ASXL1: variants seen among roughly 807,000 people sequenced by gnomAD.
ASXL1 encodes ASXL transcriptional regulator 1.
Under a neutral mutation model 89.1 loss-of-function variants are expected in ASXL1, and 65 were observed. The observed-to-expected ratio is 0.73, with a 90% CI of 0.60 to 0.90. ASXL1 has a LOEUF of 0.90. Among genes scored for constraint, ASXL1 ranks in the 40% least tolerant of loss-of-function variants. ASXL1 has a pLI of 0.00. For missense variants in ASXL1, 1,786 were observed against 1,942.9 expected (o/e 0.92, Z 1.52); for synonymous variants, 739 against 746.9 (o/e 0.99, Z 0.17).
At position 32,431,301 on chromosome 20, in the gene ASXL1, C is replaced by T. The variant is rs2011505325; in HGVS notation, c.719-20C>T. The T allele has an allele frequency of 3.7e-6, 6 of 1,614,126 alleles. No homozygotes were observed. The highest frequency in any genetic ancestry group is 1.3e-5 in the African/African-American group (1 of 75,018). On this transcript the variant is annotated intron_variant, in intron 8 of 12. Transcript: ENST00000375687. ...TTCTTTTAAAAAGCTGAAATCTATA[C>T]CTTGCTTCAAAAATCATAGGTCAAA...
chr20:32,372,178 A>T, intron 4 of ASXL1: 1 of 1,348,276 alleles, frequency 7.4e-7, no homozygotes, highest in Non-Finnish European at 9.8e-7. Flanking sequence ...GAGCCACTGC[A>T]CCAGGCCCCT....
chr20:32,435,327 G>T lies in ASXL1; in HGVS notation c.2615G>T (p.Cys872Phe), dbSNP rs1569332530. 2 of 1,614,162 alleles carry T rather than the reference G, an allele frequency of 1.2e-6. No homozygotes were observed. Among genetic ancestry groups the T allele is most frequent in the East Asian group, 2.2e-5 (1 of 44,886 alleles). ...GACGAATTAGGGCTTGGTGGCTCATGCCCTCCTATGAGGGAAAGTGATACT... is the reference window on the plus strand; with the variant it reads ...GACGAATTAGGGCTTGGTGGCTCATTCCCTCCTATGAGGGAAAGTGATACT... ...FDDELGLGGS[C>F]PPMRESDTRQ... The change falls in exon 13 of 13, where the codon TGC (cysteine) becomes TTC (phenylalanine). Residue 872 changes from cysteine to phenylalanine, a missense_variant. Physicochemically the swap from Cys to Phe is radical, Grantham distance 205. Coordinates refer to ENST00000375687, the MANE Select transcript of ASXL1 (RefSeq NM_015338.6).
chr20:32,380,127 C>T (rs2048461746), intron 4 of ASXL1, among the ~76,000 whole-genome samples: 2 of 151,314 alleles, frequency 1.3e-5, no homozygotes, highest in South Asian at 2.1e-4. Flanking sequence ...ACTAAAAATA[C>T]AAAAATTAGC....
At chr20:32,396,955 C>T (rs901137427) in intron 4 of ASXL1, among the ~76,000 whole-genome samples, 1 of 149,148 alleles carries the variant, frequency 6.7e-6, no homozygotes, top group African/African-American at 2.5e-5. Flanking sequence ...ACATAAAATA[C>T]ACTAATGATA....
chr20:32,423,529 A>G (rs546977067), intron 4 of ASXL1, among the ~76,000 whole-genome samples: 19 of 151,474 alleles, frequency 1.3e-4, no homozygotes, highest in African/African-American at 4.4e-4. Context: ...GTGGGCCACA[A>G]TACCCAGCAT....
intron 4 of ASXL1, among the ~76,000 whole-genome samples, chr20:32,424,253 G>A (rs6087901): frequency 6.6e-6 from 1 of 152,170 alleles, no homozygotes; most frequent in Non-Finnish European, 1.5e-5. Flanking sequence ...CTACCACCTA[G>A]GCTAGGTACG....
At chr20:32,427,803 A>AC (rs1024683180) in intron 4 of ASXL1, 3 of 375,954 alleles carry the variant, frequency 8.0e-6, no homozygotes, top group Admixed American at 3.7e-5. Context: ...AGTTTAATTG[A>AC]CCCCCCTACT....
At chr20:32,420,945 C>T (rs896243851) in intron 4 of ASXL1, among the ~76,000 whole-genome samples, 4 of 152,024 alleles carry the variant, frequency 2.6e-5, no homozygotes, top group Non-Finnish European at 5.9e-5. Flanking sequence ...TGGAAACCAT[C>T]ATCCTCAGCA....
At chr20:32,426,619 G>A (rs187937928) in intron 4 of ASXL1, among the ~76,000 whole-genome samples, 23 of 139,880 alleles carry the variant, frequency 1.6e-4, no homozygotes, top group African/African-American at 6.0e-4. Flanking sequence ...GAGTGCAGTG[G>A]CGTAATCTCA....
In ASXL1 at chr20:32,436,752, G is replaced by T; in HGVS notation, c.4040G>T (p.Gly1347Val). The change falls in exon 13 of 13, where the codon GGT (glycine) becomes GTT (valine). Residue 1347 changes from glycine to valine, a missense_variant. This residue lies in a region of ASXL1 where 1,418 missense variants were observed against 1,427.8 expected (regional missense o/e 0.99). Transcript: ENST00000375687. ...GGACCAAGCACAAACTCCATGTCTG[G>T]TGGGGTACAGACTCCAAGGGAAGAC... ...KLGPSTNSMS[G>V]GVQTPREDWA... is the part of the protein sequence containing the mutation. 2 of 1,614,136 alleles carry T rather than the reference G, an allele frequency of 1.2e-6. No homozygotes were observed. The highest frequency in any genetic ancestry group is 1.7e-6 in the Non-Finnish European group (2 of 1,180,036).
chr20:32,423,367 T>G (rs2011189682), intron 4 of ASXL1, among the ~76,000 whole-genome samples: 2 of 150,802 alleles, frequency 1.3e-5, no homozygotes, highest in Middle Eastern at 3.5e-3. Context: ...GTAGCTGGGA[T>G]TACAGGTGTG....
intron 1 of ASXL1, among the ~76,000 whole-genome samples, chr20:32,362,079 G>GA (rs371733846): frequency 2.0e-5 from 3 of 151,940 alleles, no homozygotes; most frequent in Non-Finnish European, 2.9e-5. Flanking sequence ...CAAAACAAAA[G>GA]AAAAAACCAG....
At chr20:32,387,099 A>G (rs2048592693) in intron 4 of ASXL1, among the ~76,000 whole-genome samples, 1 of 152,020 alleles carries the variant, frequency 6.6e-6, no homozygotes, top group Non-Finnish European at 1.5e-5. Flanking sequence ...CAGGAGTTCA[A>G]AACCAGCCTG....
At chr20:32,393,664 G>A (rs892488767) in intron 4 of ASXL1, among the ~76,000 whole-genome samples, 11 of 151,886 alleles carry the variant, frequency 7.2e-5, no homozygotes, top group African/African-American at 2.7e-4. Context: ...TAGAGATGGG[G>A]TTTCACCATA....
chr20:32,380,288 A>G (rs1409916411), intron 4 of ASXL1, among the ~76,000 whole-genome samples: 2 of 152,160 alleles, frequency 1.3e-5, no homozygotes, highest in Non-Finnish European at 2.9e-5. Context: ...CCCTCCCATA[A>G]AAAAAAGAAA....
At chr20:32,394,146 G>A (rs1271906106) in intron 4 of ASXL1, among the ~76,000 whole-genome samples, 1 of 152,044 alleles carries the variant, frequency 6.6e-6, no homozygotes, top group African/African-American at 2.4e-5. Context: ...GGTATTACAG[G>A]CGCCCATCAC....
intron 1 of ASXL1, among the ~76,000 whole-genome samples, chr20:32,361,018 A>T (rs2048100689): frequency 6.6e-6 from 1 of 151,888 alleles, no homozygotes; most frequent in South Asian, 2.1e-4. Flanking sequence ...AAGTGCTGGG[A>T]TTACAGGCGT....
At chr20:32,399,571 C>T (rs2048833471) in intron 4 of ASXL1, among the ~76,000 whole-genome samples, 1 of 147,630 alleles carries the variant, frequency 6.8e-6, no homozygotes, top group Non-Finnish European at 1.5e-5. Context: ...GTCAGGTACT[C>T]TTTATCCAAA....
intron 4 of ASXL1, among the ~76,000 whole-genome samples, chr20:32,382,081 G>A (rs981998655): frequency 3.3e-5 from 5 of 149,942 alleles, no homozygotes; most frequent in African/African-American, 9.8e-5. Flanking sequence ...CCAGCCTCCC[G>A]AGTAGCTGGG....
Sources: allele counts gnomAD v4.1 joint callset (sites outside exome capture counted in the v4.1 genomes callset), GRCh38; gene constraint gnomAD v4.1.1; regional missense constraint gnomAD v4.1.1; transcripts MANE v1.5; gene names NCBI Gene and HGNC (gene_info 2026-07-23, HGNC 2026-07-21).